The following ABCA4 variants were observed in gnomAD, a reference collection of about 807,000 sequenced individuals.
ABCA4 encodes ATP binding cassette subfamily A member 4, also known as retinal-specific phospholipid-transporting ATPase ABCA4.
A neutral mutation model predicts 263.7 loss-of-function variants in ABCA4; 196 were observed. The observed-to-expected ratio is 0.74, with a 90% CI of 0.66 to 0.84. The LOEUF is 0.84. ABCA4 is among the 40% of genes least tolerant of loss of function. The pLI, the probability that ABCA4 is intolerant of heterozygous loss-of-function variation, is 0.00. For synonymous variants in ABCA4, 1,133 were observed against 1,094.2 expected, an observed-to-expected ratio of 1.04 and a Z score of -0.70; for missense variants, 2,792 against 2,855.1, an observed-to-expected ratio of 0.98 and a Z score of 0.50.
At chr1:94,040,006 C>A (rs762705000) in intron 24 of ABCA4, 37 bp downstream of exon 24, 2 of 1,540,818 alleles carry the variant, frequency 1.3e-6, no homozygotes, top group Non-Finnish European at 8.9e-7. Context: ...GAGATGGCTG[C>A]CAGACGGAAC....
intron 19 of ABCA4, among the ~76,000 whole-genome samples, chr1:94,046,589 G>A (rs1007102299): frequency 7.9e-5 from 12 of 152,042 alleles, no homozygotes; most frequent in African/African-American, 2.7e-4. Flanking sequence ...AAGACTCAAG[G>A]TGTGAGAAAC....
intron 20 of ABCA4, among the ~76,000 whole-genome samples, chr1:94,043,972 A>G (rs1467429713): frequency 1.3e-5 from 2 of 151,800 alleles, no homozygotes; most frequent in African/African-American, 4.8e-5. Context: ...TTGTTTACCT[A>G]TATTTACTTC....
At chr1:94,014,439 C>T (rs983177462) in intron 38 of ABCA4, 104 bp downstream of exon 38, 10 of 1,339,766 alleles carry the variant, frequency 7.5e-6, no homozygotes, top group Non-Finnish European at 8.5e-6. Context: ...CACTCATCCG[C>T]ATACAGCTGC....
intron 7 of ABCA4, among the ~76,000 whole-genome samples, 191 bp from the exon 8 acceptor site, chr1:94,080,909 A>G (rs1232457184): frequency 1.3e-5 from 2 of 152,210 alleles, no homozygotes; most frequent in African/African-American, 4.8e-5. Flanking sequence ...GACTAGGAGA[A>G]TACTAGGATG....
chr1:94,111,673 G>A, intron 2 of ABCA4, 94 bp from the exon 3 acceptor site: 2 of 1,458,300 alleles, frequency 1.4e-6, no homozygotes, highest in South Asian at 1.2e-5. Flanking sequence ...AGGGGCCCGG[G>A]CCCCTCTGAT....
chr1:94,003,908 G>A (rs972976342), intron 44 of ABCA4, among the ~76,000 whole-genome samples: 2 of 152,268 alleles, frequency 1.3e-5, no homozygotes, highest in South Asian at 2.1e-4. Flanking sequence ...AAAGTGCTGC[G>A]ATTACAGGTG....
intron 30 of ABCA4, among the ~76,000 whole-genome samples, chr1:94,026,960 T>G (rs1660055366): frequency 6.7e-6 from 1 of 149,336 alleles, no homozygotes; most frequent in Non-Finnish European, 1.5e-5. Context: ...GAGAGAAAGA[T>G]AGAGAGAGAA....
At chr1:94,017,957 C>T in intron 36 of ABCA4, among the ~76,000 whole-genome samples, 1 of 151,756 alleles carries the variant, frequency 6.6e-6, no homozygotes, top group East Asian at 1.9e-4. Flanking sequence ...CTTCATTCAA[C>T]TTTTTTTTTG....
chr1:94,066,041 C>A (rs1158459004), intron 11 of ABCA4, among the ~76,000 whole-genome samples: 2 of 152,190 alleles, frequency 1.3e-5, no homozygotes, highest in African/African-American at 4.8e-5. Flanking sequence ...AGGTCACACA[C>A]CAAAAGTTGT....
At position 93,993,261 on chromosome 1, in the gene ABCA4, T is replaced by C. The variant is rs376708072; in HGVS notation, c.6817-19A>G. ...ATCAGTCCTGTGGAAGGAGATCACA[T>C]GGACTCGCGTCATCTTGGTTTTCTG... On this transcript the variant is annotated intron_variant, in intron 49 of 49. Transcript: ENST00000370225. The C allele has an allele frequency of 6.2e-7, 1 of 1,613,880 alleles. No homozygotes were observed. The highest frequency in any genetic ancestry group is 1.7e-5 in the Admixed American group (1 of 60,000).
intron 1 of ABCA4, among the ~76,000 whole-genome samples, chr1:94,115,919 A>G (rs1425063585): frequency 6.6e-6 from 1 of 152,008 alleles, no homozygotes; most frequent in Non-Finnish European, 1.5e-5. Flanking sequence ...CCAGCCACAC[A>G]CCGTCCCCTG....
intron 47 of ABCA4, among the ~76,000 whole-genome samples, chr1:93,999,037 C>A (rs1362554276): frequency 6.6e-6 from 1 of 150,990 alleles, no homozygotes; most frequent in East Asian, 2.0e-4. Flanking sequence ...AGGCATGAGC[C>A]ACCACGCCCA....
chr1:94,024,837 AG>A, intron 31 of ABCA4, 116 bp downstream of exon 31: 2 of 915,354 alleles, frequency 2.2e-6, no homozygotes, highest in Non-Finnish European at 1.7e-6. Flanking sequence ...CAGATAAAAA[AG>A]AAAAAAATCT....
At chr1:94,020,066 T>G (rs1646514033) in intron 35 of ABCA4, among the ~76,000 whole-genome samples, 1 of 152,250 alleles carries the variant, frequency 6.6e-6, no homozygotes, top group Admixed American at 6.5e-5. Flanking sequence ...TCTTATGTAC[T>G]GCAATGCTCT....
intron 7 of ABCA4, among the ~76,000 whole-genome samples, chr1:94,081,685 T>G (rs982962759): frequency 5.9e-5 from 9 of 152,308 alleles, no homozygotes; most frequent in African/African-American, 1.9e-4. Flanking sequence ...TATCCATTCC[T>G]GGAAAAACAC....
chr1:94,027,053 TGAGA>T (rs760989727), intron 30 of ABCA4, among the ~76,000 whole-genome samples: 14 of 149,996 alleles, frequency 9.3e-5, no homozygotes, highest in Non-Finnish European at 1.9e-4. Context: ...ACAGAGAGAT[TGAGA>T]GAGAAAGAGA....
Position 94,027,104 on chromosome 1 carries a change from G to A in ABCA4, c.4540-2056C>T, listed in dbSNP as rs1211830750. Reference sequence around the variant, plus strand: ...AGAGTGAGTGAGAGAGACAGAGCGCGCACAGCTCCTGTGCATATGCGTGGC... The same window carrying A: ...AGAGTGAGTGAGAGAGACAGAGCGCACACAGCTCCTGTGCATATGCGTGGC... On this transcript the variant is annotated intron_variant, in intron 30 of 49. Transcript: ENST00000370225. Among the ~76,000 whole-genome samples the A allele has an allele frequency of 5.3e-5, 8 of 152,220 alleles. 1 individual carries two copies. In the South Asian group the frequency reaches 1.0e-3, roughly 20 times the overall value.
At chr1:94,099,438 G>A (rs1161432359) in intron 5 of ABCA4, among the ~76,000 whole-genome samples, 2 of 152,214 alleles carry the variant, frequency 1.3e-5, no homozygotes, top group Non-Finnish European at 1.5e-5. Flanking sequence ...TAATGCATCT[G>A]TGTTGTTTGA....
At chr1:94,092,617 G>A (rs181544213) in intron 6 of ABCA4, among the ~76,000 whole-genome samples, 33 of 152,318 alleles carry the variant, frequency 2.2e-4, no homozygotes, top group African/African-American at 7.2e-4. Context: ...CAGAATGAGA[G>A]GGAACTGAGT....
Sources: gnomAD v4.1 joint callset for allele counts (sites outside exome capture counted in the v4.1 genomes callset) on GRCh38, gnomAD v4.1.1 for gene constraint, MANE v1.5 for transcripts, NCBI Gene and HGNC (gene_info 2026-07-23, HGNC 2026-07-21) for gene names.